The following NKAIN3 variants were observed in gnomAD, a reference collection of about 807,000 sequenced individuals.
NKAIN3 encodes the protein sodium/potassium transporting ATPase interacting 3, also known as sodium/potassium-transporting ATPase subunit beta-1-interacting protein 3.
NKAIN3 carries 25 observed loss-of-function variants against 30.2 expected under a neutral mutation model. That is an observed-to-expected ratio of 0.83 (90% confidence interval 0.60 to 1.16). The LOEUF is 1.16. Ranked by LOEUF, NKAIN3 falls within the 50% of genes most tolerant of loss-of-function variation. The pLI is 0.00. For missense variants in NKAIN3, 225 were observed against 254.1 expected, an observed-to-expected ratio of 0.89 and a Z score of 0.78; for synonymous variants, 91 against 89.6, an observed-to-expected ratio of 1.02 and a Z score of -0.09.
intron 5 of NKAIN3, among the ~76,000 whole-genome samples, chr8:62,937,181 T>C (rs916892098): frequency 6.6e-6 from 1 of 152,078 alleles, no homozygotes; most frequent in Admixed American, 6.5e-5. Flanking sequence ...GAGACAGAAC[T>C]AACTTGCGGC....
chr8:62,493,397 A>G (rs1346701735), intron 1 of NKAIN3, among the ~76,000 whole-genome samples: 1 of 152,080 alleles, frequency 6.6e-6, no homozygotes, highest in Non-Finnish European at 1.5e-5. Context: ...CTGTTTTTAT[A>G]CCAGTACCAT....
At chr8:62,907,172 G>A (rs1409601610) in intron 4 of NKAIN3, among the ~76,000 whole-genome samples, 1 of 152,184 alleles carries the variant, frequency 6.6e-6, no homozygotes, top group African/African-American at 2.4e-5. Context: ...CTGCCCTAGA[G>A]ATCTGTAGAT....
intron 1 of NKAIN3, among the ~76,000 whole-genome samples, chr8:62,324,601 G>C (rs188918380): frequency 6.6e-6 from 1 of 152,186 alleles, no homozygotes; most frequent in Admixed American, 6.5e-5. Flanking sequence ...CATTACAAGA[G>C]AGAGCTAAAA....
intron 4 of NKAIN3, among the ~76,000 whole-genome samples, chr8:62,870,658 GAT>G (rs1174130426): frequency 1.5e-4 from 14 of 92,712 alleles, no homozygotes; most frequent in Non-Finnish European, 3.0e-4. Context: ...TCTATATCTA[GAT>G]ATATATAGAT....
intron 5 of NKAIN3, among the ~76,000 whole-genome samples, chr8:62,994,282 C>T (rs552431219): frequency 7.9e-5 from 12 of 152,242 alleles, no homozygotes; most frequent in African/African-American, 2.9e-4. Flanking sequence ...ATGCAGCTAT[C>T]AGAAAAGAAT....
intron 1 of NKAIN3, among the ~76,000 whole-genome samples, chr8:62,367,522 C>A (rs1332684669): frequency 6.6e-6 from 1 of 152,070 alleles, no homozygotes; most frequent in African/African-American, 2.4e-5. Flanking sequence ...ATTCAACATT[C>A]ATTTATGATA....
At chr8:62,601,745 T>G (rs1454233560) in intron 3 of NKAIN3, among the ~76,000 whole-genome samples, 1 of 152,084 alleles carries the variant, frequency 6.6e-6, no homozygotes, top group Non-Finnish European at 1.5e-5. Flanking sequence ...ATGTTTATTG[T>G]TATGTTTGGT....
At chr8:62,539,195 G>C (rs1355149532) in intron 1 of NKAIN3, among the ~76,000 whole-genome samples, 1 of 152,196 alleles carries the variant, frequency 6.6e-6, no homozygotes, top group Non-Finnish European at 1.5e-5. Context: ...TTTTGAGCTT[G>C]AATGCAAAAT....
At chr8:62,308,317 T>G (rs916864675) in intron 1 of NKAIN3, among the ~76,000 whole-genome samples, 4 of 150,200 alleles carry the variant, frequency 2.7e-5, no homozygotes, top group Non-Finnish European at 5.9e-5. Flanking sequence ...GCTTTTGGTG[T>G]TTTTGAGGAG....
chr8:62,443,171 C>G (rs1029559657), intron 1 of NKAIN3, among the ~76,000 whole-genome samples: 1 of 151,454 alleles, frequency 6.6e-6, no homozygotes, highest in African/African-American at 2.4e-5. Context: ...TTTTAAAATC[C>G]CAATCACAAT....
At chr8:62,894,568 A>G (rs1373904790) in intron 4 of NKAIN3, among the ~76,000 whole-genome samples, 3 of 152,176 alleles carry the variant, frequency 2.0e-5, no homozygotes, top group Non-Finnish European at 4.4e-5. Flanking sequence ...TTTTCCTCCC[A>G]GCCTTTAAAC....
At chr8:62,849,251 T>G (rs1819789093) in intron 4 of NKAIN3, among the ~76,000 whole-genome samples, 1 of 151,784 alleles carries the variant, frequency 6.6e-6, no homozygotes, top group Non-Finnish European at 1.5e-5. Flanking sequence ...AGCTATTTTC[T>G]GTACCTCTGC....
chr8:62,250,577 T>G (rs1465009043), intron 1 of NKAIN3, among the ~76,000 whole-genome samples: 1 of 152,234 alleles, frequency 6.6e-6, no homozygotes, highest in Non-Finnish European at 1.5e-5. Flanking sequence ...CAACCCTTGA[T>G]TCAATGTAAG....
chr8:62,893,518 A>G (rs553024938), intron 4 of NKAIN3, among the ~76,000 whole-genome samples: 23 of 152,326 alleles, frequency 1.5e-4, no homozygotes, highest in Non-Finnish European at 2.1e-4. Flanking sequence ...TCTATAAGCT[A>G]TGGGCTATGG....
chr8:62,826,458 C>A (rs946790469), intron 4 of NKAIN3, among the ~76,000 whole-genome samples: 3 of 152,148 alleles, frequency 2.0e-5, no homozygotes, highest in Admixed American at 6.5e-5. Flanking sequence ...TTATTAAGTT[C>A]TCTTAGGCAG....
chr8:62,451,884 A>T (rs1404712909), intron 1 of NKAIN3, among the ~76,000 whole-genome samples: 2 of 152,218 alleles, frequency 1.3e-5, no homozygotes, highest in Non-Finnish European at 2.9e-5. Flanking sequence ...GAAAAACTCA[A>T]GGAATCATAC....
At chr8:62,600,559 G>T (rs930154677) in intron 3 of NKAIN3, among the ~76,000 whole-genome samples, 1 of 151,976 alleles carries the variant, frequency 6.6e-6, no homozygotes, top group African/African-American at 2.4e-5. Flanking sequence ...AGGTCTTAAT[G>T]CTTCCTTCCG....
rs369616688 is a variant in NKAIN3, at chr8:62,306,577, T to TGTGTGTGTTG, written c.54+57450_54+57451insGTGTGTGTTG. Among the ~76,000 whole-genome samples, 230 of 123,752 alleles carry TGTGTGTGTTG rather than the reference T, an allele frequency of 1.9e-3. 7 individuals carry two copies. The highest frequency in any genetic ancestry group is 7.0e-3 in the African/African-American group (217 of 30,926). 81.2% of individuals were successfully genotyped at this position (123,752 alleles called of 152,430 possible). On this transcript the variant is annotated intron_variant, in intron 1 of 6. Coordinates refer to ENST00000623646, the MANE Select transcript of NKAIN3 (RefSeq NM_001304533.3). Reference sequence around the variant, plus strand: ...GTGTGTGTGTGTGTGTGTGTGTGTGTTGTGTGTGTGTTTAGTTTATGTGTG... The same window carrying TGTGTGTGTTG: ...GTGTGTGTGTGTGTGTGTGTGTGTGTGTGTGTGTTGTGTGTGTGTGTTTAGTTTATGTGTG...
intron 4 of NKAIN3, among the ~76,000 whole-genome samples, chr8:62,837,473 A>T (rs1819401692): frequency 1.3e-5 from 2 of 152,156 alleles, no homozygotes; most frequent in African/African-American, 4.8e-5. Context: ...TCTTAAAGTA[A>T]TTTTTAATTG....
Sources: allele counts gnomAD v4.1 joint callset (sites outside exome capture counted in the v4.1 genomes callset), GRCh38; gene constraint gnomAD v4.1.1; transcripts MANE v1.5; gene names NCBI Gene and HGNC (gene_info 2026-07-23, HGNC 2026-07-21).